ZNF732: variants seen among roughly 807,000 people sequenced by gnomAD.
The protein encoded by ZNF732 is zinc finger protein 732.
Under a neutral mutation model 11.5 loss-of-function variants are expected in ZNF732, and 12 were observed. That is an observed-to-expected ratio of 1.05 (90% CI 0.67 to 1.70). The LOEUF is 1.70. Ranked by LOEUF, ZNF732 falls within the 40% of genes most tolerant of loss-of-function variation. The probability of loss-of-function intolerance (pLI) is 0.00; values close to 1 mark genes in which losing one functional copy is unlikely to be tolerated. For missense variants in ZNF732, 702 were observed against 676.9 expected (o/e 1.04, Z -0.41); for synonymous variants, 231 against 236.5 (o/e 0.98, Z 0.21).
At chr4:275,036 C>T (rs1553838466) in intron 3 of ZNF732, among the ~76,000 whole-genome samples, 1 of 151,474 alleles carries the variant, frequency 6.6e-6, no homozygotes, top group Non-Finnish European at 1.5e-5. Context: ...AGACTTGAAA[C>T]CAGTATTAAA....
intron 3 of ZNF732, among the ~76,000 whole-genome samples, chr4:292,904 A>C (rs1553841557): frequency 3.4e-5 from 5 of 146,846 alleles, no homozygotes; most frequent in Non-Finnish European, 4.5e-5. Flanking sequence ...AAAAAAAAAA[A>C]AAAAAAAAAA....
chr4:278,042 C>A (rs1024577368), intron 3 of ZNF732, among the ~76,000 whole-genome samples: 3 of 151,986 alleles, frequency 2.0e-5, no homozygotes, highest in Non-Finnish European at 4.4e-5. Flanking sequence ...TATTCAGCTA[C>A]AAAAGAGAAT....
Position 284,470 on chromosome 4 carries a change from T to A in ZNF732, c.226+10968A>T, listed in dbSNP as rs1372839592. 3.9e-5 allele frequency among the ~76,000 whole-genome samples: 6 copies of A among 152,166 alleles called. No homozygotes were observed. In the South Asian group the frequency reaches 1.0e-3, roughly 26 times the overall value. On this transcript the variant is annotated intron_variant, in intron 3 of 3. Coordinates refer to ENST00000419098, the MANE Select transcript of ZNF732 (RefSeq NM_001137608.3). ...GTAATATAATTTTATATTTAAAAAA[T>A]CTCAAACACTGTAACTTTAATTCTT... is the stretch of plus-strand genomic sequence containing the variant.
At chr4:293,263 T>TAC (rs1319528769) in intron 3 of ZNF732, among the ~76,000 whole-genome samples, 27 of 144,518 alleles carry the variant, frequency 1.9e-4, no homozygotes, top group African/African-American at 6.8e-4. Flanking sequence ...TATACACATA[T>TAC]ATATGTATAT....
In ZNF732 at chr4:271,034, T is replaced by C. The variant is rs1457687332; in HGVS notation, c.*65A>G. On this transcript the variant is annotated 3_prime_UTR_variant, in exon 4 of 4. Coordinates refer to ENST00000419098, the MANE Select transcript of ZNF732 (RefSeq NM_001137608.3). ...ACATTTGTATAGTTTATTTCCAGTATAAATTTTCTTATGTTCATTCAGGTT... is the reference window on the plus strand; with the variant it reads ...ACATTTGTATAGTTTATTTCCAGTACAAATTTTCTTATGTTCATTCAGGTT... 12 of 1,268,140 alleles carry C rather than the reference T, an allele frequency of 9.5e-6. No homozygotes were observed. Among genetic ancestry groups the C allele is most frequent in the Non-Finnish European group, 1.1e-5 (10 of 922,372 alleles). 78.6% of individuals were successfully genotyped at this position (1,268,140 alleles called of 1,614,324 possible).
chr4:273,083 ATATACT>A (rs1164828263), intron 3 of ZNF732, among the ~76,000 whole-genome samples: 2 of 152,096 alleles, frequency 1.3e-5, no homozygotes, highest in Non-Finnish European at 2.9e-5. Context: ...AGAAATGGTG[ATATACT>A]TAGGAAGGAC....
intron 3 of ZNF732, among the ~76,000 whole-genome samples, chr4:292,248 G>C (rs1299572614): frequency 2.6e-5 from 4 of 152,182 alleles, no homozygotes; most frequent in African/African-American, 9.6e-5. Context: ...CAAAGGAAAA[G>C]AAAACAAAAT....
At chr4:277,166 T>C (rs961338374) in intron 3 of ZNF732, among the ~76,000 whole-genome samples, 28 of 152,014 alleles carry the variant, frequency 1.8e-4, no homozygotes, top group African/African-American at 6.5e-4. Flanking sequence ...CAGATTTAAA[T>C]GGGAAACTCA....
chr4:278,516 T>G (rs2108653529), intron 3 of ZNF732, among the ~76,000 whole-genome samples: 1 of 152,350 alleles, frequency 6.6e-6, no homozygotes, highest in South Asian at 2.1e-4. Context: ...TGACAAACAA[T>G]GGTCACCAAA....
intron 3 of ZNF732, among the ~76,000 whole-genome samples, chr4:284,555 G>C (rs775847777): frequency 6.6e-6 from 1 of 151,882 alleles, no homozygotes; most frequent in East Asian, 1.9e-4. Context: ...ATAAAAAACA[G>C]AACAGAAACA....
At chr4:304,050 G>C (rs1213206240) in intron 1 of ZNF732, among the ~76,000 whole-genome samples, 2 of 152,184 alleles carry the variant, frequency 1.3e-5, no homozygotes, top group Non-Finnish European at 2.9e-5. Flanking sequence ...ACAGGTTCCT[G>C]CTATAGATCC....
At chr4:296,277 G>C in intron 1 of ZNF732, 122 bp from the exon 2 acceptor site, 1 of 1,327,000 alleles carries the variant, frequency 7.5e-7, no homozygotes, top group Admixed American at 2.7e-5. Flanking sequence ...TTTCAACACA[G>C]TAATGTTCTC....
At chr4:291,392 T>C (rs1003093675) in intron 3 of ZNF732, among the ~76,000 whole-genome samples, 2 of 152,034 alleles carry the variant, frequency 1.3e-5, no homozygotes, top group Non-Finnish European at 1.5e-5. Context: ...AACATACAAA[T>C]ATGTTTCATT....
intron 3 of ZNF732, among the ~76,000 whole-genome samples, chr4:284,449 T>C (rs1328805992): frequency 6.6e-6 from 1 of 152,140 alleles, no homozygotes; most frequent in Non-Finnish European, 1.5e-5. Context: ...GTTATAGTAA[T>C]ATAATTTTAT....
At chr4:304,400 T>C (rs539326280) in intron 1 of ZNF732, among the ~76,000 whole-genome samples, 6 of 152,122 alleles carry the variant, frequency 3.9e-5, no homozygotes, top group Admixed American at 1.3e-4. Context: ...ACACCAGGCA[T>C]CTTTCTCCAG....
intron 1 of ZNF732, among the ~76,000 whole-genome samples, chr4:303,189 C>T (rs1451931864): frequency 6.6e-6 from 1 of 152,184 alleles, no homozygotes; most frequent in East Asian, 1.9e-4. Flanking sequence ...ATCCTTTTAA[C>T]TTTTTGCCTA....
At chr4:286,775 C>T (rs1553840632) in intron 3 of ZNF732, among the ~76,000 whole-genome samples, 1 of 152,106 alleles carries the variant, frequency 6.6e-6, no homozygotes, top group African/African-American at 2.4e-5. Flanking sequence ...GTTTGTTGTA[C>T]AGATTATTTC....
intron 1 of ZNF732, among the ~76,000 whole-genome samples, chr4:303,086 C>T (rs571137095): frequency 9.8e-5 from 15 of 152,296 alleles, no homozygotes; most frequent in African/African-American, 3.4e-4. Context: ...AGGAATTCGT[C>T]TGATTGATAA....
chr4:289,048 C>A (rs771196918), intron 3 of ZNF732, among the ~76,000 whole-genome samples: 3 of 152,210 alleles, frequency 2.0e-5, no homozygotes, highest in African/African-American at 7.2e-5. Context: ...TTCTGTTTCT[C>A]AGGAGGCCCC....
Sources: allele counts gnomAD v4.1 joint callset (sites outside exome capture counted in the v4.1 genomes callset), GRCh38; gene constraint gnomAD v4.1.1; transcripts MANE v1.5; gene names NCBI Gene and HGNC (gene_info 2026-07-23, HGNC 2026-07-21).